Variants in KAZN observed in about 807,000 individuals in gnomAD.
KAZN encodes kazrin.
In KAZN, 40 loss-of-function variants were observed where a neutral mutation model predicts 87.4. That is an observed-to-expected ratio of 0.46 (90% CI 0.36 to 0.60). The LOEUF (loss-of-function observed/expected upper bound fraction) is 0.60. Among genes scored for constraint, KAZN ranks in the 20% least tolerant of loss-of-function variants. The probability of loss-of-function intolerance (pLI) is 0.00; values close to 1 mark genes in which losing one functional copy is unlikely to be tolerated. For synonymous variants in KAZN, 466 were observed against 458.3 expected, an observed-to-expected ratio of 1.02 and a Z score of -0.22; for missense variants, 898 against 1,073.9, an observed-to-expected ratio of 0.84 and a Z score of 2.29.
intron 8 of KAZN, among the ~76,000 whole-genome samples, chr1:15,091,037 C>T (rs546738016): frequency 6.6e-6 from 1 of 152,048 alleles, no homozygotes; most frequent in South Asian, 2.1e-4. Context: ...AGGCTTTTTT[C>T]TACATATCAA....
intron 1 of KAZN, among the ~76,000 whole-genome samples, chr1:13,951,848 A>G (rs901826608): frequency 6.6e-6 from 1 of 152,152 alleles, no homozygotes; most frequent in Non-Finnish European, 1.5e-5. Context: ...TCTCTCAAGT[A>G]AAAGTGCCTT....
chr1:14,034,187 C>T (rs904786221), intron 1 of KAZN, among the ~76,000 whole-genome samples: 2 of 152,262 alleles, frequency 1.3e-5, no homozygotes, highest in African/African-American at 4.8e-5. Context: ...TACATAATGG[C>T]AAATCTAGAC....
chr1:14,444,660 G>A (rs1486888276), intron 2 of KAZN, among the ~76,000 whole-genome samples: 1 of 151,994 alleles, frequency 6.6e-6, no homozygotes, highest in Non-Finnish European at 1.5e-5. Flanking sequence ...TCACCCCGAC[G>A]TCTGGGTAGA....
chr1:14,028,821 G>T (rs932124058), intron 1 of KAZN, among the ~76,000 whole-genome samples: 2 of 152,030 alleles, frequency 1.3e-5, no homozygotes, highest in African/African-American at 2.4e-5. Flanking sequence ...TTTTATGGCT[G>T]CATAGTATTC....
chr1:14,727,450 C>CTTTTTTTTTTT lies in KAZN; in HGVS notation c.226+128263_226+128273dup, dbSNP rs57203868. Among the ~76,000 whole-genome samples, 42 of 73,900 alleles carry CTTTTTTTTTTT rather than the reference C, an allele frequency of 5.7e-4. 2 individuals carry two copies. The highest frequency in any genetic ancestry group is 7.2e-4 in the Non-Finnish European group (28 of 38,984). The allele number at this position is 73,900 out of a possible 152,430, so 48.5% of individuals were successfully genotyped here. A position where few individuals can be genotyped will look rare whatever the true frequency, so the allele number is the denominator to read the frequency against. On this transcript the variant is annotated intron_variant, in intron 1 of 14. Coordinates refer to ENST00000376030, the MANE Select transcript of KAZN (RefSeq NM_201628.3). Reference sequence around the variant, plus strand: ...GTCCATCACATTTATTGTGCACTTTCTTTTTTTTTTTTTTTTTTTTTTTTT... The same window carrying CTTTTTTTTTTT: ...GTCCATCACATTTATTGTGCACTTTCTTTTTTTTTTTTTTTTTTTTTTTTTTTTTTTTTTTT...
chr1:14,844,994 T>G (rs1191735994), intron 1 of KAZN, among the ~76,000 whole-genome samples: 7 of 151,654 alleles, frequency 4.6e-5, no homozygotes, highest in Admixed American at 4.6e-4. Context: ...GATGGATGAA[T>G]GAATAAATGA....
At chr1:14,293,050 C>T (rs1269319470) in intron 2 of KAZN, among the ~76,000 whole-genome samples, 1 of 152,178 alleles carries the variant, frequency 6.6e-6, no homozygotes, top group Non-Finnish European at 1.5e-5. Flanking sequence ...AAGTGTGAGC[C>T]AGGCCCTGTG....
chr1:14,765,961 T>C lies in KAZN; in HGVS notation c.226+166738T>C, dbSNP rs556818449. Among the ~76,000 whole-genome samples, 9 of 152,220 alleles carry C rather than the reference T, an allele frequency of 5.9e-5. No homozygotes were observed. The East Asian group carries it at 1.7e-3, about 29-fold the overall frequency. ...CAGCACTGCCAGCCATTGGCATCTG[T>C]CGAAGGGTGTGTCTGTGTTGTCTCA... is the stretch of plus-strand genomic sequence containing the variant. On this transcript the variant is annotated intron_variant, in intron 1 of 14. Coordinates refer to ENST00000376030, the MANE Select transcript of KAZN (RefSeq NM_201628.3).
intron 2 of KAZN, among the ~76,000 whole-genome samples, chr1:15,034,329 T>G (rs1202180136): frequency 6.6e-6 from 1 of 152,222 alleles, no homozygotes; most frequent in Non-Finnish European, 1.5e-5. Flanking sequence ...GGAGGGGCTG[T>G]TGGGCTGGAC....
intron 1 of KAZN, among the ~76,000 whole-genome samples, chr1:14,131,058 C>T (rs1447206280): frequency 2.6e-5 from 4 of 152,092 alleles, no homozygotes; most frequent in East Asian, 1.9e-4. Flanking sequence ...AACTTACAAT[C>T]GTGGCAGAAG....
chr1:15,107,947 A>G (rs890203565), intron 13 of KAZN, among the ~76,000 whole-genome samples: 1 of 152,220 alleles, frequency 6.6e-6, no homozygotes, highest in Admixed American at 6.5e-5. Flanking sequence ...GATGCCCGGC[A>G]GTAACTGAGA....
Position 15,066,011 on chromosome 1 carries a change from A to T in KAZN, c.1222+258A>T, listed in dbSNP as rs1425258250. On this transcript the variant is annotated intron_variant, in intron 8 of 14. Transcript: ENST00000376030. The surrounding 1 kb of genome is among the most constrained non-coding windows in gnomAD (Gnocchi z 4.3). Reference sequence around the variant, plus strand: ...GTCGCCACCTCTGTAATTGATGTACATACCGCAAACCGTGTGTGAACCTGT... The same window carrying T: ...GTCGCCACCTCTGTAATTGATGTACTTACCGCAAACCGTGTGTGAACCTGT... 7.6e-7 allele frequency: 1 copy of T among 1,307,254 alleles called. No individual in the cohort carries two copies. Among genetic ancestry groups the T allele is most frequent in the Admixed American group, 3.9e-5 (1 of 25,820 alleles). 81.0% of individuals were successfully genotyped at this position (1,307,254 alleles called of 1,614,324 possible).
intron 1 of KAZN, among the ~76,000 whole-genome samples, chr1:13,931,172 A>G (rs6685990): frequency 0.5 from 75,736 of 152,138 alleles, 19,295 homozygotes; most frequent in Admixed American, 0.58. Context: ...AATTTTGCCA[A>G]TTAATGTTAG....
At chr1:14,865,045 T>A (rs1451317087) in intron 1 of KAZN, among the ~76,000 whole-genome samples, 2 of 152,174 alleles carry the variant, frequency 1.3e-5, no homozygotes, top group African/African-American at 4.8e-5. Flanking sequence ...ATCTCCTCAA[T>A]GAGATCTTTC....
At chr1:14,160,919 T>C (rs1203312392) in intron 1 of KAZN, among the ~76,000 whole-genome samples, 1 of 152,238 alleles carries the variant, frequency 6.6e-6, no homozygotes, top group Admixed American at 6.5e-5. Flanking sequence ...AATAATTCGT[T>C]GCTGATAAGA....
intron 2 of KAZN, among the ~76,000 whole-genome samples, chr1:14,367,870 A>G (rs374649122): frequency 1.9e-4 from 29 of 152,312 alleles, no homozygotes; most frequent in Admixed American, 3.9e-4. Context: ...GCCTTCTCTC[A>G]GATCCTTGGA....
At chr1:14,785,002 GATA>G (rs1645466302) in intron 1 of KAZN, among the ~76,000 whole-genome samples, 2 of 148,628 alleles carry the variant, frequency 1.3e-5, no homozygotes, top group African/African-American at 5.0e-5. Flanking sequence ...TGTAAAATGA[GATA>G]ATGCCTCGGG....
chr1:13,919,659 A>G (rs1639989489), intron 1 of KAZN, among the ~76,000 whole-genome samples: 1 of 152,150 alleles, frequency 6.6e-6, no homozygotes, highest in Non-Finnish European at 1.5e-5. Context: ...GCTTTTGTCC[A>G]TTTCTGTATT....
At position 14,504,356 on chromosome 1, in the gene KAZN, A is replaced by T. The variant is rs564146507; in HGVS notation, c.250-94627A>T. 2.3e-4 allele frequency among the ~76,000 whole-genome samples: 35 copies of T among 152,328 alleles called. 1 individual carries two copies. In the South Asian group the frequency reaches 6.2e-3, roughly 27 times the overall value. On this transcript the variant is annotated intron_variant, in intron 2 of 16. Coordinates refer to the KAZN transcript ENST00000636203. The stretch of plus-strand genomic sequence containing the variant: ...TGGTCTTGAGTTAAAATGCTACAGG[A>T]TGTTAGAAAAGATACGGGAATTCAT...
Sources: gnomAD v4.1 joint callset for allele counts (sites outside exome capture counted in the v4.1 genomes callset) on GRCh38, gnomAD v4.1.1 for gene constraint, Gnocchi (gnomAD v3.1) non-coding constraint, MANE v1.5 for transcripts, NCBI Gene and HGNC (gene_info 2026-07-23, HGNC 2026-07-21) for gene names.